Variants in DAB1 observed in about 807,000 individuals in gnomAD.
The protein encoded by DAB1 is disabled homolog 1.
DAB1 carries 15 observed loss-of-function variants against 64.6 expected under a neutral mutation model. That is an observed-to-expected ratio of 0.23 (90% confidence interval 0.16 to 0.36). The LOEUF is 0.36. Ranked by LOEUF, DAB1 falls within the 10% of genes least tolerant of loss-of-function variation. DAB1 has a pLI of 1.00. For synonymous variants in DAB1, 235 were observed against 251.9 expected (o/e 0.93, Z 0.64); for missense variants, 596 against 706.7 (o/e 0.84, Z 1.78).
At chr1:58,406,304 C>A (rs1435771916) in intron 3 of DAB1, among the ~76,000 whole-genome samples, 1 of 152,206 alleles carries the variant, frequency 6.6e-6, no homozygotes, top group African/African-American at 2.4e-5. Flanking sequence ...AGCCGGAAAT[C>A]TTAAAATCTC....
chr1:58,375,116 T>C (rs1162211403), intron 3 of DAB1, among the ~76,000 whole-genome samples: 3 of 148,646 alleles, frequency 2.0e-5, no homozygotes, highest in African/African-American at 5.0e-5. Context: ...AACAATCATG[T>C]CGTCTGCAAA....
rs1570562975 is a variant in DAB1 at position 57,484,229 on chromosome 1, C to A, written n.625+165363G>T. Among the ~76,000 whole-genome samples, 6 of 152,302 alleles carry A rather than the reference C, an allele frequency of 3.9e-5. 2 individuals are homozygous for A. The highest frequency in any genetic ancestry group is 3.9e-4 in the Admixed American group (6 of 15,310). ...AATAGGTTATCAGGGGCCAGATCATCCTGGGCCTTGGGGGCCACATCAGTC... is the reference window on the plus strand; with the variant it reads ...AATAGGTTATCAGGGGCCAGATCATACTGGGCCTTGGGGGCCACATCAGTC... On this transcript the variant is annotated intron_variant and non_coding_transcript_variant, in intron 7 of 20. Transcript: ENST00000485760.
At chr1:57,267,127 A>C (rs1027792971) in intron 2 of DAB1, among the ~76,000 whole-genome samples, 36 of 152,096 alleles carry the variant, frequency 2.4e-4, no homozygotes, top group African/African-American at 8.0e-4. Flanking sequence ...GGTAGGCCTT[A>C]AGTCCAATAA....
chr1:58,501,748 CAT>C (rs2100406373), intron 3 of DAB1, among the ~76,000 whole-genome samples: 1 of 152,292 alleles, frequency 6.6e-6, no homozygotes, highest in South Asian at 2.1e-4. Context: ...GCTAAGGACT[CAT>C]GTGTTCCTCT....
intron 6 of DAB1, among the ~76,000 whole-genome samples, chr1:57,786,960 C>T (rs1276784407): frequency 2.0e-5 from 3 of 151,710 alleles, no homozygotes; most frequent in African/African-American, 7.3e-5. Flanking sequence ...CTAACAAAAA[C>T]GATGCAAATT....
At chr1:58,448,884 C>T (rs928948149) in intron 3 of DAB1, among the ~76,000 whole-genome samples, 1 of 151,960 alleles carries the variant, frequency 6.6e-6, no homozygotes, top group African/African-American at 2.4e-5. Context: ...GGGAGTAGGG[C>T]GGATTATGAG....
intron 6 of DAB1, among the ~76,000 whole-genome samples, chr1:57,705,748 T>A (rs1646958791): frequency 6.6e-6 from 1 of 152,146 alleles, no homozygotes; most frequent in African/African-American, 2.4e-5. Flanking sequence ...GACAGAGTAG[T>A]GATTATTTGC....
At chr1:58,062,103 C>G (rs920145585) in intron 5 of DAB1, among the ~76,000 whole-genome samples, 3 of 152,318 alleles carry the variant, frequency 2.0e-5, no homozygotes, top group Admixed American at 6.5e-5. Flanking sequence ...GCCATTTAAT[C>G]CAGGGAACAT....
chr1:57,763,095 T>C (rs1329568968), intron 6 of DAB1, among the ~76,000 whole-genome samples: 1 of 152,138 alleles, frequency 6.6e-6, no homozygotes, highest in Non-Finnish European at 1.5e-5. Context: ...GCAAAATAAA[T>C]GATTAACGAT....
intron 1 of DAB1, among the ~76,000 whole-genome samples, chr1:57,364,231 G>A (rs557068799): frequency 6.6e-6 from 1 of 152,226 alleles, no homozygotes; most frequent in African/African-American, 2.4e-5. Context: ...TGGGGATGGG[G>A]GCAAAAGGAT....
At chr1:57,000,862 CAGA>C (rs571415757) in intron 14 of DAB1, among the ~76,000 whole-genome samples, 4 of 152,278 alleles carry the variant, frequency 2.6e-5, no homozygotes, top group South Asian at 4.1e-4. Flanking sequence ...CACCTAAAAA[CAGA>C]AGAAGACAGC....
At chr1:57,968,096 G>A (rs1645712640) in intron 5 of DAB1, among the ~76,000 whole-genome samples, 1 of 152,170 alleles carries the variant, frequency 6.6e-6, no homozygotes, top group Non-Finnish European at 1.5e-5. Context: ...CTGAAAGAGT[G>A]TGTGGATGTG....
intron 12 of DAB1, among the ~76,000 whole-genome samples, chr1:57,012,252 C>A (rs1306742652): frequency 6.6e-6 from 1 of 152,142 alleles, no homozygotes; most frequent in Non-Finnish European, 1.5e-5. Flanking sequence ...TCTGATGAAT[C>A]TATATATAGA....
intron 7 of DAB1, among the ~76,000 whole-genome samples, chr1:57,611,645 A>T (rs886894433): frequency 3.3e-5 from 5 of 151,934 alleles, no homozygotes; most frequent in Admixed American, 2.6e-4. Context: ...AAGCAAGTTA[A>T]CCTTTCCTGG....
At chr1:57,586,056 G>A (rs768605087) in intron 7 of DAB1, among the ~76,000 whole-genome samples, 23 of 152,104 alleles carry the variant, frequency 1.5e-4, no homozygotes, top group Admixed American at 3.3e-4. Context: ...CACATCAGGA[G>A]GGTTGATCCA....
chr1:58,115,019 G>A (rs1024814416), intron 5 of DAB1, among the ~76,000 whole-genome samples: 1 of 151,394 alleles, frequency 6.6e-6, no homozygotes, highest in African/African-American at 2.4e-5. Context: ...CTTCTGCACA[G>A]CAAAAGAAAC....
At chr1:58,249,182 GCA>G (rs139349579) in intron 4 of DAB1, among the ~76,000 whole-genome samples, 1 of 151,250 alleles carries the variant, frequency 6.6e-6, no homozygotes, top group Non-Finnish European at 1.5e-5. Context: ...ATTGGTACAC[GCA>G]CACACACACA....
intron 4 of DAB1, among the ~76,000 whole-genome samples, chr1:57,093,632 T>C (rs913593453): frequency 1.3e-5 from 2 of 152,188 alleles, no homozygotes; most frequent in Non-Finnish European, 2.9e-5. Context: ...CAATAAATGG[T>C]GATGGTGTGT....
chr1:57,773,885 C>A (rs1649675244), intron 6 of DAB1, among the ~76,000 whole-genome samples: 1 of 151,926 alleles, frequency 6.6e-6, no homozygotes. Flanking sequence ...TTCTATTATG[C>A]GTTGTTACTG....
Sources: allele counts gnomAD v4.1 joint callset (sites outside exome capture counted in the v4.1 genomes callset), GRCh38; gene constraint gnomAD v4.1.1; transcripts MANE v1.5; gene names NCBI Gene and HGNC (gene_info 2026-07-23, HGNC 2026-07-21).